ABCC2: variants seen among roughly 807,000 people sequenced by gnomAD.
The protein encoded by ABCC2 is ATP binding cassette subfamily C member 2.
A neutral mutation model predicts 173.4 loss-of-function variants in ABCC2; 157 were observed. The ratio of observed to expected loss-of-function variants is 0.91; its 90% CI spans 0.80 to 1.03. ABCC2 has a LOEUF of 1.03. Ranked by LOEUF, ABCC2 falls within the 50% of genes least tolerant of loss-of-function variation. ABCC2 has a pLI of 0.00. For synonymous variants in ABCC2, 657 were observed against 693.5 expected, an observed-to-expected ratio of 0.95 and a Z score of 0.83; for missense variants, 1,822 against 1,852.3, an observed-to-expected ratio of 0.98 and a Z score of 0.30.
chr10:99,803,093 C>T (rs528243399), intron 9 of ABCC2, among the ~76,000 whole-genome samples: 2 of 152,280 alleles, frequency 1.3e-5, no homozygotes, highest in East Asian at 1.9e-4. Flanking sequence ...CTTAGCCTCC[C>T]GAGCAGCTGG....
chr10:99,798,475 T>A (rs375111125), intron 7 of ABCC2, among the ~76,000 whole-genome samples: 2 of 152,110 alleles, frequency 1.3e-5, no homozygotes, highest in African/African-American at 4.8e-5. Flanking sequence ...AACAGAAATG[T>A]ACTGTCCCCA....
chr10:99,794,961 C>T (rs764741919), intron 6 of ABCC2, among the ~76,000 whole-genome samples: 13 of 152,276 alleles, frequency 8.5e-5, no homozygotes, highest in Non-Finnish European at 1.8e-4. Flanking sequence ...GATTGGGATG[C>T]TGAGGAGAAG....
intron 26 of ABCC2, among the ~76,000 whole-genome samples, chr10:99,842,534 T>C (rs948164850): frequency 5.9e-5 from 9 of 152,186 alleles, no homozygotes; most frequent in Non-Finnish European, 1.3e-4. Context: ...GATAAAACTA[T>C]AGAATGTGTC....
chr10:99,816,745 G>C (rs1301889404), intron 16 of ABCC2, among the ~76,000 whole-genome samples: 1 of 152,152 alleles, frequency 6.6e-6, no homozygotes, highest in Non-Finnish European at 1.5e-5. Flanking sequence ...TCCACCTCCT[G>C]TCAGATCAGC....
Position 99,831,809 on chromosome 10 carries a change from G to T in ABCC2, c.3082G>T (p.Gly1028Ter), listed in dbSNP as rs148887680. The T allele has an allele frequency of 4.3e-6, 7 of 1,614,124 alleles. No homozygotes were observed. ...GAGGGACATGAGAGTTGGAGTCTAC[G>T]GAGCTCTGGGATTAGCCCAAGGTAT... ...SQRDMRVGVY[G>*]ALGLAQGIFV... Residue 1028 changes from glycine (G) to a stop codon, truncating the protein, a stop_gained, in exon 22 of 32, where the codon GGA (glycine) becomes TGA (stop). Transcript: ENST00000647814. LOFTEE classifies it high-confidence loss of function.
rs981713508 is a variant in ABCC2, at chr10:99,852,140, G to T, written c.*509G>T. On this transcript the variant is annotated 3_prime_UTR_variant, in exon 32 of 32. Coordinates refer to ENST00000647814, the MANE Select transcript of ABCC2 (RefSeq NM_000392.5). ...ACAATGTATCAGTTTTAATATTGGG[G>T]ATCATTAGCATTATTCTCAGGTTTT... 2 of 157,586 alleles carry T rather than the reference G, an allele frequency of 1.3e-5. No individual in the cohort carries two copies. The highest frequency in any genetic ancestry group is 2.8e-5 in the Non-Finnish European group (2 of 71,396). The allele number at this position is 157,586 out of a possible 1,614,324, so 9.8% of individuals were successfully genotyped here.
At position 99,845,624 on chromosome 10, in the gene ABCC2, A is replaced by T. The variant is rs371358683; in HGVS notation, c.3988A>T (p.Ile1330Phe). 2 of 1,613,746 alleles carry T rather than the reference A, an allele frequency of 1.2e-6. No individual in the cohort carries two copies. Among genetic ancestry groups the T allele is most frequent in the Non-Finnish European group, 1.7e-6 (2 of 1,179,970 alleles). ...ATGTGTAAGGGAACTATATTCGCAG[A>T]TTGGTGTGGTGGGCAGGACAGGAGC... ...ITCDIGSMEK[I>F]GVVGRTGAGK... Residue 1330 changes from isoleucine (I) to phenylalanine (F), a missense_variant and splice_region_variant, in exon 29 of 32, where the codon ATT becomes TTT. Transcript: ENST00000647814.
Position 99,794,939 on chromosome 10 carries a change from C to T in ABCC2, c.632+471C>T, listed in dbSNP as rs546625027. On this transcript the variant is annotated intron_variant, in intron 6 of 31. Transcript: ENST00000647814. ...CTTACAGACCAACTTAATCCAAGCCCTCCATTGGGCAGATTGGGATGCTGA... is the reference window on the plus strand; with the variant it reads ...CTTACAGACCAACTTAATCCAAGCCTTCCATTGGGCAGATTGGGATGCTGA... 1.3e-4 allele frequency among the ~76,000 whole-genome samples: 20 copies of T among 152,258 alleles called. No homozygotes were observed. In the South Asian group the frequency reaches 3.5e-3, roughly 27 times the overall value.
At position 99,830,259 on chromosome 10, in the gene ABCC2, A is replaced by G. The variant is rs2038714397; in HGVS notation, c.2621-48A>G. On this transcript the variant is annotated intron_variant, in intron 19 of 31. Coordinates refer to ENST00000647814, the MANE Select transcript of ABCC2 (RefSeq NM_000392.5). ...TTCTCTCTCCTTGTTCATAGGACTG[A>G]CAGGGATCTATGCAGCTCTTTCCCT... 1.9e-6 allele frequency: 3 copies of G among 1,613,258 alleles called. No individual in the cohort carries two copies. The East Asian group carries it at 6.7e-5, about 36-fold the overall frequency.
Position 99,834,454 on chromosome 10 carries a change from C to A in ABCC2, c.3333C>A (p.Ser1111Arg). The change falls in exon 24 of 32, where the codon AGC becomes AGA. Residue 1111 changes from serine (S) to arginine (R), a missense_variant. Ser to Arg is a moderately radical substitution (Grantham distance 110, BLOSUM62 -1). Transcript: ENST00000647814. ...SWITCFLGII[S>R]TLVMICMATP... ...TTACATGCTTCCTGGGGATAATCAG[C>A]ACCCTTGTCATGATCTGCATGGCCA... 1.9e-6 allele frequency: 3 copies of A among 1,614,120 alleles called. No individual in the cohort carries two copies. Among genetic ancestry groups the A allele is most frequent in the Non-Finnish European group, 2.5e-6 (3 of 1,179,974 alleles).
chr10:99,808,365 C>G (rs769947449), intron 13 of ABCC2, 136 bp downstream of exon 13: 33 of 1,208,954 alleles, frequency 2.7e-5, no homozygotes, highest in Non-Finnish European at 4.0e-5. Context: ...TCTCTGGAGA[C>G]CAATGGTTTG....
intron 2 of ABCC2, among the ~76,000 whole-genome samples, chr10:99,786,188 T>C (rs1022318389): frequency 1.3e-5 from 2 of 152,156 alleles, no homozygotes; most frequent in African/African-American, 4.8e-5. Flanking sequence ...CTGACCTCAG[T>C]GGTACATACC....
Position 99,851,563 on chromosome 10 carries a change from A to AAGGG in ABCC2, c.4570_4571insAGGG (p.Ile1524LysfsTer11), listed in dbSNP as rs1335571231. ...CGGCAGCCCTGAAGAACTGCTACAA[A>AAGGG]TCCCTGGACCCTTTTACTTTATGGC... is the stretch of plus-strand genomic sequence containing the variant. On this transcript the variant is annotated frameshift_variant, in exon 32 of 32. Transcript: ENST00000647814. LOFTEE classifies it high-confidence loss of function. 1 of 1,614,058 alleles carries AAGGG rather than the reference A, an allele frequency of 6.2e-7. No homozygotes were observed. The highest frequency in any genetic ancestry group is 1.3e-5 in the African/African-American group (1 of 74,930).
rs2038482661 is a variant in ABCC2 at position 99,819,173 on chromosome 10, A to G, written c.2524A>G (p.Lys842Glu). Reference protein sequence around the residue: ...VVLGNGTIVEKGSYSALLAKK... With the variant: ...VVLGNGTIVEEGSYSALLAKK... ...TCTGGGGAATGGAACAATTGTAGAG[A>G]AAGGATCCTACAGTGCTCTCCTGGC... The change falls in exon 19 of 32, where the codon AAA (lysine) becomes GAA (glutamate). Residue 842 changes from lysine (K) to glutamate (E), a missense_variant. By Grantham distance (56) the Lys-to-Glu change is moderately conservative (BLOSUM62 1). Coordinates refer to ENST00000647814, the MANE Select transcript of ABCC2 (RefSeq NM_000392.5). 1.2e-6 allele frequency: 2 copies of G among 1,614,032 alleles called. No individual in the cohort carries two copies. Among genetic ancestry groups the G allele is most frequent in the African/African-American group, 2.7e-5 (2 of 74,932 alleles).
chr10:99,845,221 C>T (rs918223059), intron 28 of ABCC2, among the ~76,000 whole-genome samples: 3 of 151,836 alleles, frequency 2.0e-5, no homozygotes, highest in African/African-American at 4.8e-5. Context: ...TTAGTAGAGA[C>T]GGGGTTTTGC....
intron 25 of ABCC2, among the ~76,000 whole-genome samples, chr10:99,837,064 C>T (rs2038835106): frequency 1.3e-5 from 2 of 151,430 alleles, no homozygotes; most frequent in South Asian, 4.2e-4. Context: ...CTGTAAAGGA[C>T]ATATCATATT....
At chr10:99,835,277 G>A (rs543322763) in intron 24 of ABCC2, among the ~76,000 whole-genome samples, 9 of 152,268 alleles carry the variant, frequency 5.9e-5, no homozygotes, top group South Asian at 4.1e-4. Context: ...CCATGTCCGT[G>A]TACAGTTCCT....
intron 19 of ABCC2, among the ~76,000 whole-genome samples, chr10:99,820,743 G>T (rs574396091): frequency 5.4e-4 from 82 of 152,288 alleles, no homozygotes; most frequent in Middle Eastern, 3.4e-3. Context: ...GCAGAAAGGA[G>T]CAATTGAAAG....
At chr10:99,808,285 C>A (rs1187155316) in intron 13 of ABCC2, 56 bp downstream of exon 13, 3 of 1,598,902 alleles carry the variant, frequency 1.9e-6, no homozygotes, top group Non-Finnish European at 2.6e-6. Context: ...CCTTGGAGTC[C>A]AGAATGACTG....
Sources: gnomAD v4.1 joint callset for allele counts (sites outside exome capture counted in the v4.1 genomes callset) on GRCh38, gnomAD v4.1.1 for gene constraint, MANE v1.5 for transcripts, NCBI Gene and HGNC (gene_info 2026-07-23, HGNC 2026-07-21) for gene names.